Variants in TRPC7 observed in about 807,000 individuals in gnomAD.
TRPC7 encodes transient receptor potential cation channel subfamily C member 7, also known as short transient receptor potential channel 7.
A neutral mutation model predicts 90.1 loss-of-function variants in TRPC7; 42 were observed. The observed-to-expected ratio is 0.47, with a 90% CI of 0.36 to 0.60. The LOEUF is 0.60. Ranked by LOEUF, TRPC7 falls within the 20% of genes least tolerant of loss-of-function variation. TRPC7 has a pLI of 0.00. For missense variants in TRPC7, 955 were observed against 1,112.3 expected (o/e 0.86, Z 2.01); for synonymous variants, 451 against 436.3 (o/e 1.03, Z -0.42).
intron 7 of TRPC7, among the ~76,000 whole-genome samples, chr5:136,234,136 G>C (rs1018743736): frequency 6.6e-6 from 1 of 152,002 alleles, no homozygotes; most frequent in African/African-American, 2.4e-5. Flanking sequence ...TTTTATTTCT[G>C]TTCTGTGGTT....
Position 136,216,425 on chromosome 5 carries a change from T to G in TRPC7, c.2344-150A>C, listed in dbSNP as rs1296195077. On this transcript the variant is annotated intron_variant, in intron 10 of 11. Transcript: ENST00000513104. Reference sequence around the variant, plus strand: ...GGCGCCTCACTCTGGAGGGGTGCCCTGCACAGTGCGGGTACCTGGCCAGCC... The same window carrying G: ...GGCGCCTCACTCTGGAGGGGTGCCCGGCACAGTGCGGGTACCTGGCCAGCC... The G allele has an allele frequency of 4.6e-6, 3 of 655,278 alleles. No homozygotes were observed. In the African/African-American group the frequency reaches 5.4e-5, roughly 12 times the overall value. 40.6% of individuals were successfully genotyped at this position (655,278 alleles called of 1,614,324 possible). A position where few individuals can be genotyped will look rare whatever the true frequency, so the allele number is the denominator to read the frequency against.
At chr5:136,241,961 A>G (rs575168615) in intron 7 of TRPC7, among the ~76,000 whole-genome samples, 1 of 152,288 alleles carries the variant, frequency 6.6e-6, no homozygotes, top group African/African-American at 2.4e-5. Context: ...TGGGACCCCA[A>G]GAGTTCCACA....
intron 10 of TRPC7, among the ~76,000 whole-genome samples, chr5:136,224,080 T>A (rs1172751518): frequency 2.0e-5 from 3 of 152,202 alleles, no homozygotes; most frequent in African/African-American, 7.2e-5. Flanking sequence ...GTTAGAGACC[T>A]GTATCTAAAA....
At chr5:136,290,246 C>T (rs1220058225) in intron 3 of TRPC7, among the ~76,000 whole-genome samples, 1 of 152,208 alleles carries the variant, frequency 6.6e-6, no homozygotes, top group Non-Finnish European at 1.5e-5. Flanking sequence ...TCTCCTCATC[C>T]AAAGGAACGC....
intron 3 of TRPC7, among the ~76,000 whole-genome samples, chr5:136,292,752 C>T (rs982901198): frequency 6.6e-6 from 1 of 152,156 alleles, no homozygotes; most frequent in African/African-American, 2.4e-5. Flanking sequence ...TGAAACTGTT[C>T]CAATCAATAG....
At chr5:136,355,300 G>A (rs1760328910) in intron 2 of TRPC7, among the ~76,000 whole-genome samples, 1 of 152,184 alleles carries the variant, frequency 6.6e-6, no homozygotes, top group South Asian at 2.1e-4. Flanking sequence ...TTCCTGAAGT[G>A]GCCAAGAGTT....
intron 3 of TRPC7, among the ~76,000 whole-genome samples, chr5:136,309,581 AACTC>A: frequency 6.6e-6 from 1 of 152,258 alleles, no homozygotes. Context: ...AGGCATGACT[AACTC>A]TTCACTATAA....
chr5:136,333,559 C>T (rs1249794546), intron 2 of TRPC7, among the ~76,000 whole-genome samples: 1 of 152,168 alleles, frequency 6.6e-6, no homozygotes, highest in Non-Finnish European at 1.5e-5. Flanking sequence ...TATTGACATG[C>T]TGTCCTTCTG....
chr5:136,342,109 C>T (rs1324113141), intron 2 of TRPC7, among the ~76,000 whole-genome samples: 1 of 152,160 alleles, frequency 6.6e-6, no homozygotes, highest in Non-Finnish European at 1.5e-5. Flanking sequence ...CTTTCTAACC[C>T]CTAATGTGTA....
intron 2 of TRPC7, among the ~76,000 whole-genome samples, chr5:136,339,358 G>T (rs186570999): frequency 4.6e-5 from 7 of 152,290 alleles, no homozygotes; most frequent in Non-Finnish European, 1.0e-4. Flanking sequence ...TAGAATTATG[G>T]TAGGGGCCTA....
At chr5:136,215,560 T>C (rs1236084379) in intron 11 of TRPC7, among the ~76,000 whole-genome samples, 3 of 152,180 alleles carry the variant, frequency 2.0e-5, no homozygotes, top group South Asian at 4.1e-4. Context: ...CAGTGGCTCA[T>C]GCCTGTAATC....
At chr5:136,307,748 C>G (rs1426757947) in intron 3 of TRPC7, among the ~76,000 whole-genome samples, 1 of 152,162 alleles carries the variant, frequency 6.6e-6, no homozygotes, top group Non-Finnish European at 1.5e-5. Flanking sequence ...GGAGTCCTCA[C>G]AGCAAGGAAC....
intron 10 of TRPC7, among the ~76,000 whole-genome samples, chr5:136,223,921 C>T (rs141577978): frequency 2.0e-5 from 3 of 152,246 alleles, no homozygotes; most frequent in East Asian, 3.9e-4. Context: ...ATTTTGTGCG[C>T]GATTAAACAC....
intron 11 of TRPC7, among the ~76,000 whole-genome samples, chr5:136,215,614 A>G (rs1174741184): frequency 1.3e-5 from 2 of 152,110 alleles, no homozygotes; most frequent in East Asian, 3.9e-4. Flanking sequence ...CAAGGTCAGG[A>G]GTTCGAGACC....
At chr5:136,252,715 C>T (rs972381915) in intron 5 of TRPC7, among the ~76,000 whole-genome samples, 2 of 152,130 alleles carry the variant, frequency 1.3e-5, no homozygotes, top group African/African-American at 2.4e-5. Context: ...CAACCTAGAT[C>T]CCTCACATGC....
At chr5:136,293,884 C>T (rs1450634115) in intron 3 of TRPC7, among the ~76,000 whole-genome samples, 2 of 152,188 alleles carry the variant, frequency 1.3e-5, no homozygotes, top group Non-Finnish European at 2.9e-5. Flanking sequence ...TACCTGACTT[C>T]AAACTATACT....
chr5:136,243,195 T>C (rs1284905901), intron 7 of TRPC7, among the ~76,000 whole-genome samples: 1 of 152,102 alleles, frequency 6.6e-6, no homozygotes. Flanking sequence ...TGAGCTGGCC[T>C]GGGACTGCAC....
At chr5:136,352,457 C>T (rs1038429828) in intron 2 of TRPC7, among the ~76,000 whole-genome samples, 1 of 152,014 alleles carries the variant, frequency 6.6e-6, no homozygotes, top group South Asian at 2.1e-4. Flanking sequence ...TGGACCCTAA[C>T]CAATTTTATC....
intron 5 of TRPC7, among the ~76,000 whole-genome samples, chr5:136,252,931 A>G (rs1244947658): frequency 2.0e-5 from 3 of 152,200 alleles, no homozygotes; most frequent in Non-Finnish European, 4.4e-5. Context: ...AGGTAGCCTG[A>G]GCTAATAGTT....
Sources: gnomAD v4.1 joint callset for allele counts (sites outside exome capture counted in the v4.1 genomes callset) on GRCh38, gnomAD v4.1.1 for gene constraint, MANE v1.5 for transcripts, NCBI Gene and HGNC (gene_info 2026-07-23, HGNC 2026-07-21) for gene names.